The following WDR7 variants were observed in gnomAD, a reference collection of about 807,000 sequenced individuals.
WDR7 encodes the protein WD repeat-containing protein 7.
WDR7 carries 46 observed loss-of-function variants against 169.4 expected under a neutral mutation model. The ratio of observed to expected loss-of-function variants is 0.27; its 90% CI spans 0.21 to 0.35. WDR7 has a LOEUF of 0.35. WDR7 is among the 10% of genes least tolerant of loss of function. The pLI is 1.00. For synonymous variants in WDR7, 612 were observed against 666.8 expected (o/e 0.92, Z 1.27); for missense variants, 1,534 against 1,859.3 (o/e 0.83, Z 3.22).
intron 14 of WDR7, among the ~76,000 whole-genome samples, chr18:56,742,692 C>G (rs1452675619): frequency 6.6e-6 from 1 of 152,098 alleles, no homozygotes; most frequent in Non-Finnish European, 1.5e-5. Context: ...ATTGCGGAAG[C>G]CTGTCTCAGC....
At chr18:56,707,944 ATCTGTCAACCCGTT>A (rs892479385) in intron 12 of WDR7, among the ~76,000 whole-genome samples, 2 of 151,648 alleles carry the variant, frequency 1.3e-5, no homozygotes, top group African/African-American at 4.9e-5. Context: ...TGAGGACAGT[ATCTGTCAACCCGTT>A]TGTTTCCATA....
At chr18:56,669,557 G>A (rs1188144046) in intron 1 of WDR7, among the ~76,000 whole-genome samples, 2 of 152,032 alleles carry the variant, frequency 1.3e-5, no homozygotes, top group Admixed American at 1.3e-4. Context: ...GTTTTTAGAA[G>A]CATCTAGTCT....
At position 57,027,086 on chromosome 18, in the gene WDR7, C is replaced by A. The variant is rs535816426; in HGVS notation, c.4352C>A (p.Pro1451His). ...TGCATTAAAACCTACCAGGTGCCCC[C>A]TGTGCAGCCCGCGTCCCCCGGCTCC... ...LRCIKTYQVP[P>H]VQPASPGSHN... The change falls in exon 28 of 28, where the codon CCT becomes CAT. Residue 1451 changes from proline to histidine, a missense_variant. Coordinates refer to ENST00000254442, the MANE Select transcript of WDR7 (RefSeq NM_015285.3). The A allele has an allele frequency of 3.2e-5, 52 of 1,614,216 alleles. No homozygotes were observed. The South Asian group carries it at 5.1e-4, about 16-fold the overall frequency.
intron 26 of WDR7, among the ~76,000 whole-genome samples, chr18:56,974,417 T>C (rs2047537086): frequency 6.9e-6 from 1 of 144,836 alleles, no homozygotes; most frequent in South Asian, 2.2e-4. Context: ...CAAGCTGGAG[T>C]GCAGTGGCTG....
intron 12 of WDR7, chr18:56,699,836 G>A: frequency 1.0e-6 from 1 of 985,438 alleles, no homozygotes; most frequent in Non-Finnish European, 1.2e-6. Flanking sequence ...AGGTAGAACA[G>A]ATGCTGCAGC....
At chr18:56,753,928 TTGATTATA>T in intron 14 of WDR7, among the ~76,000 whole-genome samples, 1 of 151,936 alleles carries the variant, frequency 6.6e-6, no homozygotes, top group Admixed American at 6.6e-5. Context: ...AAAATATATA[TTGATTATA>T]TGATTATATA....
At chr18:57,015,953 CAG>C (rs1157746543) in intron 26 of WDR7, among the ~76,000 whole-genome samples, 2 of 152,210 alleles carry the variant, frequency 1.3e-5, no homozygotes, top group Non-Finnish European at 2.9e-5. Flanking sequence ...ACCCTAAAGT[CAG>C]GGCATCTGCC....
intron 9 of WDR7, among the ~76,000 whole-genome samples, chr18:56,693,020 G>A (rs771420646): frequency 5.9e-5 from 9 of 152,078 alleles, no homozygotes; most frequent in Non-Finnish European, 8.8e-5. Flanking sequence ...AGCTGTGATC[G>A]TGCCACTGCA....
intron 9 of WDR7, among the ~76,000 whole-genome samples, chr18:56,692,091 A>G (rs1046581990): frequency 1.3e-5 from 2 of 152,202 alleles, no homozygotes; most frequent in African/African-American, 4.8e-5. Context: ...TGAAGTTCAT[A>G]TTGATGGTGT....
chr18:56,812,916 C>G (rs965895585), intron 19 of WDR7, among the ~76,000 whole-genome samples: 3 of 151,628 alleles, frequency 2.0e-5, no homozygotes, highest in Non-Finnish European at 1.5e-5. Flanking sequence ...AATACTTTAC[C>G]GGCTCTCTAG....
At chr18:56,920,535 G>A (rs1303196717) in intron 21 of WDR7, among the ~76,000 whole-genome samples, 1 of 152,120 alleles carries the variant, frequency 6.6e-6, no homozygotes, top group East Asian at 1.9e-4. Flanking sequence ...GGCACCAAAT[G>A]CGAAAATCCT....
intron 27 of WDR7, among the ~76,000 whole-genome samples, chr18:57,021,324 G>A (rs1450778681): frequency 6.6e-6 from 1 of 152,224 alleles, no homozygotes; most frequent in East Asian, 1.9e-4. Flanking sequence ...GAATCGGGCA[G>A]GAGAAGCCTC....
intron 22 of WDR7, among the ~76,000 whole-genome samples, chr18:56,928,122 A>G (rs1568271296): frequency 6.6e-6 from 1 of 152,236 alleles, no homozygotes; most frequent in Non-Finnish European, 1.5e-5. Flanking sequence ...AGCTAATTTT[A>G]TTTGTTAATT....
intron 26 of WDR7, among the ~76,000 whole-genome samples, chr18:56,984,951 T>C (rs1413468866): frequency 1.3e-5 from 2 of 152,188 alleles, no homozygotes; most frequent in Non-Finnish European, 2.9e-5. Flanking sequence ...TTGTTGATTA[T>C]CTACACAATG....
At chr18:56,819,369 A>G (rs900706216) in intron 20 of WDR7, among the ~76,000 whole-genome samples, 1 of 152,182 alleles carries the variant, frequency 6.6e-6, no homozygotes, top group Non-Finnish European at 1.5e-5. Flanking sequence ...TCATTTAAAA[A>G]ATATGCTGCA....
At chr18:56,686,807 A>C (rs1268046529) in intron 6 of WDR7, 48 bp from the exon 7 acceptor site, 1 of 1,433,360 alleles carries the variant, frequency 7.0e-7, no homozygotes, top group Non-Finnish European at 9.7e-7. Context: ...TGATAATTTT[A>C]ATTGACAATC....
intron 25 of WDR7, among the ~76,000 whole-genome samples, chr18:56,946,124 T>C (rs2047100023): frequency 6.6e-6 from 1 of 152,222 alleles, no homozygotes; most frequent in African/African-American, 2.4e-5. Context: ...AGAATACATG[T>C]GGTCCATTTA....
At chr18:56,833,275 G>A (rs1161030810) in intron 20 of WDR7, among the ~76,000 whole-genome samples, 1 of 151,730 alleles carries the variant, frequency 6.6e-6, no homozygotes, top group East Asian at 2.0e-4. Context: ...AAATTGTGAA[G>A]GCAAGATTAG....
At chr18:56,848,654 AC>A (rs2145357886) in intron 20 of WDR7, among the ~76,000 whole-genome samples, 1 of 151,838 alleles carries the variant, frequency 6.6e-6, no homozygotes, top group East Asian at 1.9e-4. Flanking sequence ...ATGGCTTGGT[AC>A]CCTCCTCATG....
Sources: allele counts gnomAD v4.1 joint callset (sites outside exome capture counted in the v4.1 genomes callset), GRCh38; gene constraint gnomAD v4.1.1; transcripts MANE v1.5; gene names NCBI Gene and HGNC (gene_info 2026-07-23, HGNC 2026-07-21).